The following LRRIQ3 variants were observed in gnomAD, a reference collection of about 807,000 sequenced individuals.
LRRIQ3 encodes the protein leucine rich repeats and IQ motif containing 3, also known as leucine-rich repeat and IQ domain-containing protein 3.
LRRIQ3 carries 75 observed loss-of-function variants against 59.3 expected under a neutral mutation model. That is an observed-to-expected ratio of 1.26 (90% CI 1.05 to 1.53). The LOEUF is 1.53. Ranked by LOEUF, LRRIQ3 falls within the 40% of genes most tolerant of loss-of-function variation. The pLI is 0.00. For missense variants in LRRIQ3, 831 were observed against 710.0 expected (o/e 1.17, Z -1.94); for synonymous variants, 250 against 231.3 (o/e 1.08, Z -0.73).
intron 3 of LRRIQ3, among the ~76,000 whole-genome samples, chr1:74,157,360 G>T (rs1368745772): frequency 6.6e-6 from 1 of 151,934 alleles, no homozygotes; most frequent in African/African-American, 2.4e-5. Flanking sequence ...TTTTGTCTAA[G>T]ATTGGCACTC....
At chr1:74,174,774 T>C (rs1649538490) in intron 3 of LRRIQ3, among the ~76,000 whole-genome samples, 1 of 152,158 alleles carries the variant, frequency 6.6e-6, no homozygotes, top group Non-Finnish European at 1.5e-5. Flanking sequence ...TTTTTATGTA[T>C]TGTTTTTCTG....
intron 5 of LRRIQ3, 174 bp downstream of exon 5, chr1:74,109,220 A>G: frequency 1.8e-6 from 1 of 564,978 alleles, no homozygotes; most frequent in Non-Finnish European, 3.2e-6. Context: ...CCACAAAAAT[A>G]TATTTGTATT....
chr1:74,180,972 C>G (rs1649942518), intron 3 of LRRIQ3: 4 of 619,536 alleles, frequency 6.5e-6, no homozygotes, highest in Non-Finnish European at 1.1e-5. Context: ...ATTTTTGTTT[C>G]CAGATTTGTC....
chr1:74,072,966 T>C (rs1655068669), intron 6 of LRRIQ3, among the ~76,000 whole-genome samples: 3 of 152,140 alleles, frequency 2.0e-5, no homozygotes, highest in Admixed American at 2.0e-4. Flanking sequence ...GCTCTTAATT[T>C]AGAATTTTTG....
chr1:74,050,600 T>C, intron 6 of LRRIQ3: 1 of 984,960 alleles, frequency 1.0e-6, no homozygotes, highest in Non-Finnish European at 1.2e-6. Flanking sequence ...TCCAAACCTA[T>C]TTAAAATCAG....
At chr1:74,124,829 T>G (rs1408597425) in intron 4 of LRRIQ3, among the ~76,000 whole-genome samples, 1 of 151,948 alleles carries the variant, frequency 6.6e-6, no homozygotes, top group East Asian at 1.9e-4. Context: ...TCAAGCTGAC[T>G]TTGGCTATTC....
chr1:74,150,509 T>C (rs998128875), intron 4 of LRRIQ3, among the ~76,000 whole-genome samples: 3 of 152,168 alleles, frequency 2.0e-5, no homozygotes, highest in African/African-American at 7.2e-5. Flanking sequence ...ATTTTGCTAT[T>C]ATTTTCCAAT....
intron 4 of LRRIQ3, chr1:74,144,469 G>GA (rs113804389): frequency 1.5e-4 from 39 of 261,732 alleles, no homozygotes; most frequent in South Asian, 3.3e-4. Flanking sequence ...TTAAAAATTA[G>GA]AAAAAAAATG....
intron 7 of LRRIQ3, among the ~76,000 whole-genome samples, chr1:74,028,478 C>T (rs1455588058): frequency 6.6e-6 from 1 of 151,878 alleles, no homozygotes; most frequent in African/African-American, 2.4e-5. Context: ...ATAATAGTGG[C>T]CTTCAACAGA....
intron 1 of LRRIQ3, among the ~76,000 whole-genome samples, chr1:74,185,643 C>T (rs1373144504): frequency 3.3e-5 from 5 of 152,006 alleles, no homozygotes; most frequent in Admixed American, 6.6e-5. Context: ...CTCATAAATG[C>T]ATAAAAAGTC....
intron 5 of LRRIQ3, among the ~76,000 whole-genome samples, chr1:74,086,233 C>T (rs951509772): frequency 6.6e-6 from 1 of 152,190 alleles, no homozygotes; most frequent in Admixed American, 6.6e-5. Context: ...TGACATCTGC[C>T]TTGAGCCATT....
At chr1:74,073,554 C>CCA (rs1430197228) in intron 6 of LRRIQ3, among the ~76,000 whole-genome samples, 2 of 150,774 alleles carry the variant, frequency 1.3e-5, no homozygotes, top group African/African-American at 2.4e-5. Context: ...AATAAAAAGA[C>CCA]CACACACACA....
At chr1:74,113,973 A>G (rs10890109) in intron 4 of LRRIQ3, among the ~76,000 whole-genome samples, 1 of 151,514 alleles carries the variant, frequency 6.6e-6, no homozygotes, top group Non-Finnish European at 1.5e-5. Flanking sequence ...CTCTCTCTCT[A>G]TATATATACA....
chr1:74,028,044 T>G (rs1653573704), intron 7 of LRRIQ3, among the ~76,000 whole-genome samples: 1 of 152,012 alleles, frequency 6.6e-6, no homozygotes, highest in Non-Finnish European at 1.5e-5. Context: ...TGGAAGAGAA[T>G]TTTGTTCAAA....
At chr1:74,093,934 G>A (rs566590081) in intron 5 of LRRIQ3, among the ~76,000 whole-genome samples, 4 of 152,164 alleles carry the variant, frequency 2.6e-5, no homozygotes, top group South Asian at 2.1e-4. Flanking sequence ...TATTAGTTGG[G>A]TAGGGCTTCC....
intron 1 of LRRIQ3, among the ~76,000 whole-genome samples, chr1:74,186,189 C>T (rs1379776881): frequency 2.0e-5 from 3 of 151,626 alleles, no homozygotes; most frequent in African/African-American, 7.3e-5. Context: ...TTATCTTCTT[C>T]CTGGCATTTA....
intron 3 of LRRIQ3, 42 bp from the exon 4 acceptor site, chr1:74,155,908 A>G: frequency 1.9e-6 from 2 of 1,079,102 alleles, no homozygotes; most frequent in Non-Finnish European, 2.5e-6. Flanking sequence ...ATCTTTCATG[A>G]AAGTATTTTC....
At chr1:74,044,450 C>CA (rs1185403184) in intron 6 of LRRIQ3, among the ~76,000 whole-genome samples, 1 of 151,908 alleles carries the variant, frequency 6.6e-6, no homozygotes, top group African/African-American at 2.4e-5. Flanking sequence ...TGCCAGCTCC[C>CA]ACATCACCTT....
chr1:74,194,332 T>C (rs1650958342), intron 1 of LRRIQ3, among the ~76,000 whole-genome samples: 2 of 152,162 alleles, frequency 1.3e-5, no homozygotes, highest in Non-Finnish European at 1.5e-5. Flanking sequence ...AGTACATGTG[T>C]CCTGGAAAAT....
Sources: gnomAD v4.1 joint callset for allele counts (sites outside exome capture counted in the v4.1 genomes callset) on GRCh38, gnomAD v4.1.1 for gene constraint, MANE v1.5 for transcripts, NCBI Gene and HGNC (gene_info 2026-07-23, HGNC 2026-07-21) for gene names.